Variants in PHF19 observed in about 807,000 individuals in gnomAD.
The protein encoded by PHF19 is polycomb like 3.
In PHF19, 21 loss-of-function variants were observed where a neutral mutation model predicts 79.8. The ratio of observed to expected loss-of-function variants is 0.26; its 90% CI spans 0.19 to 0.38. PHF19 has a LOEUF of 0.38. Ranked by LOEUF, PHF19 falls within the 10% of genes least tolerant of loss-of-function variation. The pLI, the probability that PHF19 is intolerant of heterozygous loss-of-function variation, is 1.00. For missense variants in PHF19, 445 were observed against 744.2 expected, an observed-to-expected ratio of 0.60 and a Z score of 4.68; for synonymous variants, 273 against 296.3, an observed-to-expected ratio of 0.92 and a Z score of 0.81.
Position 120,869,762 on chromosome 9 carries a change from C to G in PHF19, c.465+83G>C. On this transcript the variant is annotated intron_variant, in intron 5 of 14. Transcript: ENST00000373896. This position sits in a 1 kb window ranked among gnomAD's most constrained non-coding sequence, Gnocchi z 5.8. ...CCAGGTGTGGCCCTTCTGCTTGGAGCTCAGACTCTGTGATGGGAGTCTCTG... is the reference window on the plus strand; with the variant it reads ...CCAGGTGTGGCCCTTCTGCTTGGAGGTCAGACTCTGTGATGGGAGTCTCTG... The G allele has an allele frequency of 1.3e-6, 2 of 1,597,870 alleles. No individual in the cohort carries two copies. Among genetic ancestry groups the G allele is most frequent in the Non-Finnish European group, 1.7e-6 (2 of 1,172,486 alleles).
Position 120,874,180 on chromosome 9 carries a change from G to C in PHF19, c.187-120C>G. ...CCAGAAAGCAGGGCTAGAAGGGGAAGAAGGATGGCAGTTCCTGGACAGGGT... is the reference window on the plus strand; with the variant it reads ...CCAGAAAGCAGGGCTAGAAGGGGAACAAGGATGGCAGTTCCTGGACAGGGT... On this transcript the variant is annotated intron_variant, in intron 2 of 14. Coordinates refer to ENST00000373896, the MANE Select transcript of PHF19 (RefSeq NM_015651.3). This position sits in a 1 kb window ranked among gnomAD's most constrained non-coding sequence, Gnocchi z 4.5. The C allele has an allele frequency of 3.1e-6, 2 of 653,362 alleles. No individual in the cohort carries two copies. The highest frequency in any genetic ancestry group is 5.1e-5 in the East Asian group (2 of 39,308). 40.5% of individuals were successfully genotyped at this position (653,362 alleles called of 1,614,324 possible). A position where few individuals can be genotyped will look rare whatever the true frequency, so the allele number is the denominator to read the frequency against.
At chr9:120,872,037 C>CAAAAAAAAAAAAAAAAAAAAAAAAAAA (rs1170243737) in intron 3 of PHF19, among the ~76,000 whole-genome samples, 1 of 30,324 alleles carries the variant, frequency 3.3e-5, no homozygotes, top group African/African-American at 1.3e-4. Context: ...GACTCTGTCT[C>CAAAAAAAAAAAAAAAAAAAAAAAAAAA]AAAAAAAAAA....
upstream of PHF19, among the ~76,000 whole-genome samples, chr9:120,878,311 T>C (rs1200211506): frequency 6.6e-6 from 1 of 152,134 alleles, no homozygotes; most frequent in Non-Finnish European, 1.5e-5. Context: ...GCTCCAATCA[T>C]AGGGACCCTG....
At chr9:120,895,469 GAAAA>G (rs77732593), upstream of PHF19, among the ~76,000 whole-genome samples, 7 of 103,164 alleles carry the variant, frequency 6.8e-5, no homozygotes, top group East Asian at 1.9e-3. Flanking sequence ...TGTCTCAAAA[GAAAA>G]AAAAAAAAAG....
chr9:120,862,667 G>A lies in PHF19; in HGVS notation c.1051C>T (p.Leu351=), dbSNP rs2045568225. ...IRVPPNPPGK[L]LPDKGLLPNE... is the part of the protein sequence containing the mutation. ...GGCAGCAGTCCTTTGTCAGGCAGCA[G>A]CTTCCCTGGCGGGTTGGGTGGGACG... Residue 351 remains leucine (L), a synonymous_variant, in exon 11 of 15, where the codon CTG becomes TTG. Transcript: ENST00000373896. This position sits in a 1 kb window ranked among gnomAD's most constrained non-coding sequence, Gnocchi z 4.6. 6.2e-7 allele frequency: 1 copy of A among 1,614,024 alleles called. No homozygotes were observed. Among genetic ancestry groups the A allele is most frequent in the Admixed American group, 1.7e-5 (1 of 60,018 alleles).
chr9:120,862,778 T>G lies in PHF19; in HGVS notation c.969-29A>C, dbSNP rs548767600. Reference sequence around the variant, plus strand: ...GGGGTGGGCAGTGGGAGGAAGAAGCTCTGGAGTCTGTCAGTCCATCCTCCT... The same window carrying G: ...GGGGTGGGCAGTGGGAGGAAGAAGCGCTGGAGTCTGTCAGTCCATCCTCCT... On this transcript the variant is annotated intron_variant, in intron 10 of 14. Coordinates refer to ENST00000373896, the MANE Select transcript of PHF19 (RefSeq NM_015651.3). This position sits in a 1 kb window ranked among gnomAD's most constrained non-coding sequence, Gnocchi z 4.6. 1 of 1,610,952 alleles carries G rather than the reference T, an allele frequency of 6.2e-7. No individual in the cohort carries two copies. Among genetic ancestry groups the G allele is most frequent in the African/African-American group, 1.3e-5 (1 of 74,974 alleles).
Position 120,856,693 on chromosome 9 carries a change from A to C in PHF19, c.*1251T>G, listed in dbSNP as rs914842. ...GCAAGGGCTTCCCTTTGAGGGAACC[A>C]AATGATGCAGGCTCTTTAAAAATTT... On this transcript the variant is annotated 3_prime_UTR_variant, in exon 15 of 15. Transcript: ENST00000373896. The C allele has an allele frequency of 6.6e-6, 1 of 152,534 alleles. No individual in the cohort carries two copies. Among genetic ancestry groups the C allele is most frequent in the African/African-American group, 2.4e-5 (1 of 41,418 alleles). The allele number at this position is 152,534 out of a possible 1,614,324, so 9.4% of individuals were successfully genotyped here.
chr9:120,878,736 C>G (rs1383328211), upstream of PHF19, among the ~76,000 whole-genome samples: 2 of 152,226 alleles, frequency 1.3e-5, no homozygotes, highest in Non-Finnish European at 2.9e-5. Flanking sequence ...CAGAACCTAG[C>G]ACTGCTGAGT....
intron 3 of PHF19, among the ~76,000 whole-genome samples, chr9:120,872,731 G>A (rs2045940759): frequency 6.7e-6 from 1 of 149,896 alleles, no homozygotes; most frequent in Admixed American, 6.6e-5. Context: ...TGTTGCCCAG[G>A]CTGGAGTGCA....
chr9:120,880,674 G>A (rs370972920), upstream of PHF19, among the ~76,000 whole-genome samples: 10 of 152,174 alleles, frequency 6.6e-5, no homozygotes, highest in Admixed American at 5.9e-4. Flanking sequence ...GTTTCTTAAC[G>A]CATTCAGCTG....
upstream of PHF19, chr9:120,877,424 G>GCCGCCAGCCCCCGCCAGCCC: frequency 1.1e-6 from 1 of 911,908 alleles, no homozygotes; most frequent in Non-Finnish European, 1.3e-6. Flanking sequence ...GCTCCGCAGC[G>GCCGCCAGCCCCCGCCAGCCC]CCGCCAGCCC....
At chr9:120,898,541 A>G (rs1056495191), upstream of PHF19, among the ~76,000 whole-genome samples, 3 of 152,260 alleles carry the variant, frequency 2.0e-5, no homozygotes, top group African/African-American at 7.2e-5. Context: ...TCATTTTATC[A>G]TGGCTATTTA....
At position 120,866,974 on chromosome 9, in the gene PHF19, A is replaced by G. The variant is rs776651669; in HGVS notation, c.615-9T>C. The G allele has an allele frequency of 1.3e-6, 2 of 1,576,346 alleles. No homozygotes were observed. The highest frequency in any genetic ancestry group is 1.7e-6 in the Non-Finnish European group (2 of 1,145,812). ...GCATCCGCAGGTACCATCTGGAGAG[A>G]CAGAGGAGCCAAGGTCAGCCAGGAC... On this transcript the variant is annotated splice_polypyrimidine_tract_variant and intron_variant, in intron 6 of 14. Transcript: ENST00000373896. The surrounding 1 kb of genome is among the most constrained non-coding windows in gnomAD (Gnocchi z 5.2).
rs1416047757 is a variant in PHF19, at chr9:120,856,578, G to A, written c.*1366C>T. ...TCTCTGGAAGCAGCAAAACATCAGG[G>A]GTCCTCTTCCCCCTCCCAATTTTGG... On this transcript the variant is annotated 3_prime_UTR_variant, in exon 15 of 15. Coordinates refer to ENST00000373896, the MANE Select transcript of PHF19 (RefSeq NM_015651.3). 3 of 152,182 alleles carry A rather than the reference G, an allele frequency of 2.0e-5. No individual in the cohort carries two copies. Among genetic ancestry groups the A allele is most frequent in the Admixed American group, 2.0e-4 (3 of 15,268 alleles). 9.4% of individuals were successfully genotyped at this position (152,182 alleles called of 1,614,324 possible). A position where few individuals can be genotyped will look rare whatever the true frequency, so the allele number is the denominator to read the frequency against.
rs989081172 is a variant in PHF19 at position 120,862,467 on chromosome 9, T to C, written c.1130+121A>G. The C allele has an allele frequency of 1.3e-6, 1 of 782,770 alleles. No individual in the cohort carries two copies. Among genetic ancestry groups the C allele is most frequent in the Non-Finnish European group, 2.1e-6 (1 of 477,332 alleles). The allele number at this position is 782,770 out of a possible 1,614,324, so 48.5% of individuals were successfully genotyped here. A position where few individuals can be genotyped will look rare whatever the true frequency, so the allele number is the denominator to read the frequency against. ...GGGATCTGGGATCCCGCTCAGCCAC[T>C]ATCTAGCCCTCTCAGGGTCCTACAG... On this transcript the variant is annotated intron_variant, in intron 11 of 14. Coordinates refer to ENST00000373896, the MANE Select transcript of PHF19 (RefSeq NM_015651.3). The surrounding 1 kb of genome is among the most constrained non-coding windows in gnomAD (Gnocchi z 4.6).
the PHF19 span, among the ~76,000 whole-genome samples, chr9:120,900,074 C>T: frequency 2.6e-5 from 4 of 151,926 alleles, no homozygotes; most frequent in African/African-American, 9.7e-5. Context: ...GCAACCTCCA[C>T]ATCCTGGGTT....
chr9:120,900,825 C>A, the PHF19 span, among the ~76,000 whole-genome samples: 1 of 152,216 alleles, frequency 6.6e-6, no homozygotes, highest in Non-Finnish European at 1.5e-5. Context: ...CCTTGGCTTC[C>A]CAAGTGCTGG....
intron 14 of PHF19, 115 bp downstream of exon 14, chr9:120,859,975 C>A: frequency 1.5e-6 from 1 of 673,980 alleles, no homozygotes; most frequent in Non-Finnish European, 2.7e-6. Flanking sequence ...AGGTACTCCC[C>A]GCCAGAGACT....
intron 1 of PHF19, 156 bp downstream of exon 1, chr9:120,876,935 A>AC: frequency 1.0e-6 from 1 of 975,278 alleles, no homozygotes; most frequent in Non-Finnish European, 1.2e-6. Flanking sequence ...GGTAACCTGC[A>AC]CCCCCGGTCC....
Sources: allele counts gnomAD v4.1 joint callset (sites outside exome capture counted in the v4.1 genomes callset), GRCh38; gene constraint gnomAD v4.1.1; non-coding constraint Gnocchi (gnomAD v3.1); transcripts MANE v1.5; gene names NCBI Gene and HGNC (gene_info 2026-07-23, HGNC 2026-07-21).